CABIN1: variants seen among roughly 807,000 people sequenced by gnomAD.
The protein encoded by CABIN1 is calcineurin-binding protein cabin-1.
In CABIN1, 133 loss-of-function variants were observed where a neutral mutation model predicts 227.7. That is an observed-to-expected ratio of 0.58 (90% CI 0.51 to 0.67). The LOEUF is 0.67. CABIN1 is among the 30% of genes least tolerant of loss of function. The pLI is 0.00. For synonymous variants in CABIN1, 1,086 were observed against 1,155.1 expected (o/e 0.94, Z 1.21); for missense variants, 2,408 against 2,852.5 (o/e 0.84, Z 3.55).
intron 29 of CABIN1, among the ~76,000 whole-genome samples, chr22:24,162,713 G>A (rs149259557): frequency 9.0e-4 from 137 of 152,328 alleles, no homozygotes; most frequent in African/African-American, 3.2e-3. Flanking sequence ...GGTGTCTATG[G>A]TTCCCTTCTG....
chr22:24,133,090 C>T (rs908567233), intron 28 of CABIN1, among the ~76,000 whole-genome samples: 4 of 152,190 alleles, frequency 2.6e-5, no homozygotes, highest in African/African-American at 9.7e-5. Flanking sequence ...TCTCCTTCCC[C>T]TCAGGGTGGG....
intron 7 of CABIN1, among the ~76,000 whole-genome samples, chr22:24,050,333 C>G (rs1329455201): frequency 6.6e-6 from 1 of 152,164 alleles, no homozygotes; most frequent in Admixed American, 6.5e-5. Flanking sequence ...GGCAGGAGGG[C>G]AGGTGAGGTT....
intron 20 of CABIN1, 133 bp from the exon 21 acceptor site, chr22:24,084,446 A>T: frequency 1.2e-6 from 1 of 804,880 alleles, no homozygotes; most frequent in South Asian, 1.4e-5. Flanking sequence ...TATAATGGGG[A>T]TTTGTTTTAG....
At position 24,174,515 on chromosome 22, in the gene CABIN1, G is replaced by A. The variant is rs1486841170; in HGVS notation, c.6041-1596G>A. On this transcript the variant is annotated intron_variant, in intron 34 of 36. Coordinates refer to ENST00000263119, the MANE Select transcript of CABIN1 (RefSeq NM_012295.4). ...GTGTTGGTAGCTGACTTACTCCCAC[G>A]AAGACCCAGCTCCTGTCCCTCTGCC... Among the ~76,000 whole-genome samples the A allele has an allele frequency of 3.3e-5, 5 of 152,148 alleles. No individual in the cohort carries two copies. The South Asian group carries it at 6.2e-4, about 19-fold the overall frequency.
chr22:24,164,555 C>G lies in CABIN1; in HGVS notation c.4902C>G (p.Asp1634Glu), dbSNP rs754275593. ...CCTCCATGCTTCAGCGGACCCCAGA[C>G]CAGGGCAAGTGAGTGCAGCCACCCT... ...KVSSMLQRTP[D>E]QGKKYLRDAD... is the part of the protein sequence containing the mutation. The change falls in exon 30 of 37, where the codon GAC becomes GAG. Residue 1634 changes from aspartate (D) to glutamate (E), a missense_variant. Asp to Glu is a conservative substitution (Grantham distance 45). Coordinates refer to ENST00000263119, the MANE Select transcript of CABIN1 (RefSeq NM_012295.4). 6.2e-7 allele frequency: 1 copy of G among 1,604,260 alleles called. No homozygotes were observed. Among genetic ancestry groups the G allele is most frequent in the East Asian group, 2.2e-5 (1 of 44,862 alleles).
At chr22:24,031,781 T>C (rs1441608231) in intron 1 of CABIN1, among the ~76,000 whole-genome samples, 1 of 152,186 alleles carries the variant, frequency 6.6e-6, no homozygotes, top group East Asian at 1.9e-4. Flanking sequence ...CCTGGGGCTA[T>C]AAGTTCTGCT....
At chr22:24,157,058 C>T (rs900789065) in intron 29 of CABIN1, among the ~76,000 whole-genome samples, 1 of 152,132 alleles carries the variant, frequency 6.6e-6, no homozygotes, top group Non-Finnish European at 1.5e-5. Context: ...GAGACAGGAC[C>T]GCGTTGTGGG....
chr22:24,022,162 T>G lies in CABIN1; in HGVS notation c.-75+10795T>G, dbSNP rs2146596743. 2.0e-5 allele frequency among the ~76,000 whole-genome samples: 3 copies of G among 152,330 alleles called. No homozygotes were observed. In the East Asian group the frequency reaches 5.8e-4, roughly 29 times the overall value. Reference sequence around the variant, plus strand: ...GTTTAATTAAATTATTTGACCTTTTTTGGAGTTATAGTTCTGTGACTTTTG... The same window carrying G: ...GTTTAATTAAATTATTTGACCTTTTGTGGAGTTATAGTTCTGTGACTTTTG... On this transcript the variant is annotated intron_variant, in intron 1 of 36. Coordinates refer to ENST00000263119, the MANE Select transcript of CABIN1 (RefSeq NM_012295.4).
chr22:24,057,118 G>C (rs2038860679), intron 10 of CABIN1, among the ~76,000 whole-genome samples: 1 of 151,914 alleles, frequency 6.6e-6, no homozygotes, highest in Non-Finnish European at 1.5e-5. Context: ...TTGTATTTTT[G>C]GTAGAGACGG....
At chr22:24,076,052 T>A in intron 18 of CABIN1, 117 bp from the exon 19 acceptor site, 1 of 703,896 alleles carries the variant, frequency 1.4e-6, no homozygotes, top group South Asian at 1.5e-5. Context: ...AGGAAAAGTC[T>A]GTAGTCATGT....
chr22:24,107,374 G>A (rs545317103), intron 26 of CABIN1, among the ~76,000 whole-genome samples: 5 of 152,314 alleles, frequency 3.3e-5, no homozygotes, highest in African/African-American at 1.2e-4. Context: ...TAGATGGTTG[G>A]CAGTTCCAGA....
At position 24,060,108 on chromosome 22, in the gene CABIN1, G is replaced by A. The variant is rs750247623; in HGVS notation, c.1584G>A (p.Pro528=). The change falls in exon 12 of 37, where the codon CCG becomes CCA. Residue 528 remains proline (P), a synonymous_variant. Transcript: ENST00000263119. ...GGCACAGCACCAGCCTGCCCAACCC[G>A]CTGCTGAGGGACTGCAGCAACAAGC... ...WRRHSTSLPN[P]LLRDCSNKHI... The A allele has an allele frequency of 3.2e-5, 52 of 1,613,818 alleles. No homozygotes were observed. The East Asian group carries it at 4.5e-4, about 14-fold the overall frequency.
At chr22:24,036,933 T>C (rs1459819898) in intron 3 of CABIN1, among the ~76,000 whole-genome samples, 1 of 152,008 alleles carries the variant, frequency 6.6e-6, no homozygotes, top group Non-Finnish European at 1.5e-5. Flanking sequence ...CCCCAGGCAA[T>C]GATCAGGCTA....
chr22:24,143,935 C>T (rs1316498885), intron 29 of CABIN1, among the ~76,000 whole-genome samples: 1 of 152,196 alleles, frequency 6.6e-6, no homozygotes, highest in South Asian at 2.1e-4. Flanking sequence ...AGGTCAGTGC[C>T]ACTCCCCAAC....
chr22:24,168,415 C>T (rs551734566), intron 32 of CABIN1, 32 bp from the exon 33 acceptor site: 11 of 1,552,322 alleles, frequency 7.1e-6, no homozygotes, highest in Admixed American at 1.9e-5. Context: ...CAATGGCCTG[C>T]GCCCCCTGAC....
chr22:24,152,342 A>T (rs912474391), intron 29 of CABIN1, among the ~76,000 whole-genome samples: 2 of 152,180 alleles, frequency 1.3e-5, no homozygotes, highest in African/African-American at 2.4e-5. Context: ...AATCAAGTGG[A>T]GCTGTGGGCA....
chr22:24,057,225 G>A (rs1353467878), intron 10 of CABIN1, among the ~76,000 whole-genome samples: 2 of 149,072 alleles, frequency 1.3e-5, no homozygotes, highest in East Asian at 4.0e-4. Context: ...CATGAGCCAC[G>A]GCGCCCGGCC....
chr22:24,163,711 C>G (rs941469211), intron 29 of CABIN1, among the ~76,000 whole-genome samples: 3 of 152,210 alleles, frequency 2.0e-5, no homozygotes, highest in African/African-American at 7.2e-5. Context: ...AGATGCCATG[C>G]TGGTCACTAG....
At chr22:24,075,059 C>A (rs1025222493) in intron 18 of CABIN1, among the ~76,000 whole-genome samples, 2 of 152,054 alleles carry the variant, frequency 1.3e-5, no homozygotes, top group Admixed American at 1.3e-4. Context: ...AAAAAATTAG[C>A]CAGGTGTGGT....
Sources: allele counts gnomAD v4.1 joint callset (sites outside exome capture counted in the v4.1 genomes callset), GRCh38; gene constraint gnomAD v4.1.1; transcripts MANE v1.5; gene names NCBI Gene and HGNC (gene_info 2026-07-23, HGNC 2026-07-21).